The following GPC6 variants were observed in gnomAD, a reference collection of about 807,000 sequenced individuals.
GPC6 encodes glypican 6, also known as glypican-6.
In GPC6, 14 loss-of-function variants were observed where a neutral mutation model predicts 55.2. The ratio of observed to expected loss-of-function variants is 0.25; its 90% CI spans 0.17 to 0.40. The LOEUF (loss-of-function observed/expected upper bound fraction) is 0.40, where lower values mean the gene tolerates loss of function less well. GPC6 is among the 10% of genes least tolerant of loss of function. The pLI is 1.00. For synonymous variants in GPC6, 278 were observed against 259.6 expected (o/e 1.07, Z -0.68); for missense variants, 641 against 708.5 (o/e 0.90, Z 1.08).
intron 4 of GPC6, among the ~76,000 whole-genome samples, chr13:94,264,258 G>A (rs1891730370): frequency 6.6e-6 from 1 of 152,206 alleles, no homozygotes; most frequent in Non-Finnish European, 1.5e-5. Context: ...AATGGGTTAA[G>A]AGTGAAATAA....
intron 4 of GPC6, among the ~76,000 whole-genome samples, chr13:94,222,755 C>G (rs886552161): frequency 1.3e-5 from 2 of 152,060 alleles, no homozygotes; most frequent in Non-Finnish European, 2.9e-5. Context: ...TTCTAATAGT[C>G]CTTCATTTCA....
At chr13:93,335,487 G>A (rs1405080620) in intron 1 of GPC6, among the ~76,000 whole-genome samples, 1 of 152,134 alleles carries the variant, frequency 6.6e-6, no homozygotes, top group African/African-American at 2.4e-5. Flanking sequence ...TCACAGAAGT[G>A]ATATCTAATA....
intron 2 of GPC6, among the ~76,000 whole-genome samples, chr13:93,786,949 C>T (rs1885833386): frequency 6.6e-6 from 1 of 152,154 alleles, no homozygotes; most frequent in Non-Finnish European, 1.5e-5. Context: ...GGGCTGGAGC[C>T]AGCTATAACA....
chr13:93,967,800 T>A (rs1289692088), intron 3 of GPC6, among the ~76,000 whole-genome samples: 1 of 152,204 alleles, frequency 6.6e-6, no homozygotes, highest in Non-Finnish European at 1.5e-5. Flanking sequence ...TCTTACTCTC[T>A]TTACCAACGA....
intron 1 of GPC6, among the ~76,000 whole-genome samples, chr13:93,380,887 C>A (rs1430494841): frequency 6.6e-6 from 1 of 152,136 alleles, no homozygotes; most frequent in African/African-American, 2.4e-5. Flanking sequence ...TGGTCCCTGA[C>A]TCTATGCTCA....
chr13:93,326,502 T>TA (rs967879726), intron 1 of GPC6, among the ~76,000 whole-genome samples: 2 of 152,238 alleles, frequency 1.3e-5, no homozygotes, highest in Admixed American at 6.5e-5. Context: ...AAGAAACTTA[T>TA]AAAAAATCTT....
intron 3 of GPC6, among the ~76,000 whole-genome samples, chr13:94,026,045 A>T (rs896373452): frequency 6.6e-6 from 1 of 152,240 alleles, no homozygotes; most frequent in African/African-American, 2.4e-5. Flanking sequence ...TGTACCATGT[A>T]GGAAATGTGG....
rs143332044 is a variant in GPC6, at chr13:94,062,511, A to G, written c.877+34617A>G. On this transcript the variant is annotated intron_variant, in intron 4 of 8. Coordinates refer to ENST00000377047, the MANE Select transcript of GPC6 (RefSeq NM_005708.5). The stretch of plus-strand genomic sequence containing the variant: ...AGTGATCCACCCGCCTCGACCTCCC[A>G]AAGTTCTGTGATTACAGGCATGAAC... 4.1e-3 allele frequency among the ~76,000 whole-genome samples: 627 copies of G among 152,218 alleles called. 6 individuals are homozygous for G. The highest frequency in any genetic ancestry group is 0.015 in the African/African-American group (604 of 41,516).
intron 3 of GPC6, among the ~76,000 whole-genome samples, chr13:93,887,546 T>C (rs929545972): frequency 1.3e-5 from 2 of 152,122 alleles, no homozygotes; most frequent in African/African-American, 4.8e-5. Context: ...CTAATACTAA[T>C]ACCTCTTATC....
chr13:94,342,038 A>G (rs1230855850), intron 6 of GPC6, among the ~76,000 whole-genome samples: 1 of 152,222 alleles, frequency 6.6e-6, no homozygotes, highest in Non-Finnish European at 1.5e-5. Context: ...TCACTCAAAT[A>G]CTGTAAAATG....
intron 1 of GPC6, among the ~76,000 whole-genome samples, chr13:93,262,084 T>C (rs1297350477): frequency 1.3e-5 from 2 of 152,078 alleles, no homozygotes; most frequent in Non-Finnish European, 2.9e-5. Context: ...ATACAGGAAA[T>C]AGCCCCTCAA....
intron 3 of GPC6, among the ~76,000 whole-genome samples, chr13:93,958,427 TC>T (rs1209649183): frequency 6.6e-6 from 1 of 152,220 alleles, no homozygotes; most frequent in African/African-American, 2.4e-5. Context: ...TAGCCAGTTA[TC>T]CCAGAACCAT....
intron 1 of GPC6, among the ~76,000 whole-genome samples, chr13:93,401,485 C>A (rs1277558270): frequency 6.6e-6 from 1 of 150,936 alleles, no homozygotes; most frequent in Non-Finnish European, 1.5e-5. Flanking sequence ...AGAATTATTG[C>A]AATTTATTTC....
At chr13:94,119,620 G>A (rs1886555495) in intron 4 of GPC6, among the ~76,000 whole-genome samples, 2 of 152,100 alleles carry the variant, frequency 1.3e-5, no homozygotes, top group Non-Finnish European at 2.9e-5. Flanking sequence ...ACCATACACA[G>A]AAAACACTGT....
At chr13:93,880,087 A>C (rs1443573052) in intron 3 of GPC6, among the ~76,000 whole-genome samples, 1 of 151,912 alleles carries the variant, frequency 6.6e-6, no homozygotes, top group Non-Finnish European at 1.5e-5. Flanking sequence ...GAGGATGTGG[A>C]GAAATAGGAA....
chr13:93,934,216 G>A (rs771191438), intron 3 of GPC6, among the ~76,000 whole-genome samples: 53 of 152,152 alleles, frequency 3.5e-4, no homozygotes, highest in Non-Finnish European at 6.5e-4. Flanking sequence ...TTCGCCACAT[G>A]TAGTTATTGA....
intron 1 of GPC6, among the ~76,000 whole-genome samples, chr13:93,320,011 G>A (rs1879379473): frequency 6.6e-6 from 1 of 152,080 alleles, no homozygotes; most frequent in Admixed American, 6.6e-5. Flanking sequence ...CAGGAAGATA[G>A]ATCAACTGAT....
intron 2 of GPC6, among the ~76,000 whole-genome samples, chr13:93,815,798 A>G (rs946658096): frequency 6.6e-6 from 1 of 152,160 alleles, no homozygotes; most frequent in Admixed American, 6.5e-5. Context: ...AAGTATATTC[A>G]TTACCTTTGA....
intron 2 of GPC6, among the ~76,000 whole-genome samples, chr13:93,686,533 G>A (rs755700151): frequency 2.0e-5 from 3 of 151,982 alleles, no homozygotes; most frequent in Admixed American, 6.6e-5. Context: ...TTTGGTTATT[G>A]GCATATAATC....
Sources: gnomAD v4.1 joint callset for allele counts (sites outside exome capture counted in the v4.1 genomes callset) on GRCh38, gnomAD v4.1.1 for gene constraint, MANE v1.5 for transcripts, NCBI Gene and HGNC (gene_info 2026-07-23, HGNC 2026-07-21) for gene names.